Variants in ELP1 observed in about 807,000 individuals in gnomAD.
ELP1 encodes elongator complex protein 1.
ELP1 carries 131 observed loss-of-function variants against 183.2 expected under a neutral mutation model. That is an observed-to-expected ratio of 0.72 (90% CI 0.62 to 0.83). The LOEUF (loss-of-function observed/expected upper bound fraction) is 0.83, where lower values mean the gene tolerates loss of function less well. ELP1 is among the 40% of genes least tolerant of loss of function. The pLI is 0.00. For missense variants in ELP1, 1,550 were observed against 1,594.9 expected (o/e 0.97, Z 0.48); for synonymous variants, 555 against 569.0 (o/e 0.98, Z 0.35).
chr9:108,929,717 A>C, intron 3 of ELP1, 52 bp downstream of exon 3: 1 of 1,572,478 alleles, frequency 6.4e-7, no homozygotes, highest in Admixed American at 1.7e-5. Flanking sequence ...AATAGCAAGT[A>C]ACCTATTTGA....
intron 13 of ELP1, among the ~76,000 whole-genome samples, 157 bp downstream of exon 13, chr9:108,908,148 T>C (rs1325587816): frequency 6.6e-6 from 1 of 152,214 alleles, no homozygotes; most frequent in Non-Finnish European, 1.5e-5. Flanking sequence ...ACTACATGAC[T>C]GGCTTCTCCA....
intron 31 of ELP1, 49 bp from the exon 32 acceptor site, chr9:108,880,214 A>AG (rs1350816067): frequency 8.0e-7 from 1 of 1,252,922 alleles, no homozygotes; most frequent in African/African-American, 1.5e-5. Flanking sequence ...TTAAGCAAAG[A>AG]GAAAAAACTA....
At chr9:108,871,470 G>T (rs1315388602) in intron 36 of ELP1, among the ~76,000 whole-genome samples, 7 of 152,144 alleles carry the variant, frequency 4.6e-5, no homozygotes, top group Non-Finnish European at 1.0e-4. Flanking sequence ...TGTTCTCCTT[G>T]TCCAAGCCTT....
At chr9:108,906,646 T>C (rs1478980543) in intron 13 of ELP1, among the ~76,000 whole-genome samples, 161 bp from the exon 14 acceptor site, 1 of 152,200 alleles carries the variant, frequency 6.6e-6, no homozygotes, top group Non-Finnish European at 1.5e-5. Flanking sequence ...AAATCTAAAA[T>C]TAATCTTTGT....
chr9:108,933,536 C>T (rs1830069767), intron 1 of ELP1, among the ~76,000 whole-genome samples: 3 of 152,234 alleles, frequency 2.0e-5, no homozygotes, highest in South Asian at 2.1e-4. Flanking sequence ...CACCACAGCA[C>T]CCGAGCCTCT....
rs1376166738 is a variant in ELP1, at chr9:108,891,359, ACATGTGCTCCTG to A, written c.2992_3003del (p.Gln998_Met1001del). 2 of 1,614,078 alleles carry A rather than the reference ACATGTGCTCCTG, an allele frequency of 1.2e-6. No homozygotes were observed. Among genetic ancestry groups the A allele is most frequent in the Admixed American group, 3.3e-5 (2 of 60,034 alleles). On this transcript the variant is annotated inframe_deletion, in exon 28 of 37. Coordinates refer to ENST00000374647, the MANE Select transcript of ELP1 (RefSeq NM_003640.5). ...GCAAACATGAGCCCCGCTGGCTCAT[ACATGTGCTCCTG>A]CATCAGGTGCTCCCCATAAGCAATG...
intron 10 of ELP1, among the ~76,000 whole-genome samples, chr9:108,912,807 T>C (rs1022039669): frequency 6.7e-6 from 1 of 149,942 alleles, no homozygotes; most frequent in African/African-American, 2.5e-5. Context: ...CAGGCTGGAG[T>C]GCAGTGGCGC....
rs755681735 is a variant in ELP1, at chr9:108,917,666, A to G, written c.745T>C (p.Ser249Pro). ...GLGPALAWKP[S>P]GSLIASTQDK... Reference sequence around the variant, plus strand: ...TGTGTAGATGCAATCAAACTGCCTGAGGGTCTTAAAGCAAACTCAGAGTGT... The same window carrying G: ...TGTGTAGATGCAATCAAACTGCCTGGGGGTCTTAAAGCAAACTCAGAGTGT... Residue 249 changes from serine to proline, a missense_variant, in exon 9 of 37, where the codon TCA becomes CCA. Ser to Pro is a moderately conservative substitution (Grantham distance 74, BLOSUM62 -1). Transcript: ENST00000374647. 2.0e-5 allele frequency: 33 copies of G among 1,611,056 alleles called. No individual in the cohort carries two copies. The East Asian group carries it at 7.4e-4, about 36-fold the overall frequency.
chr9:108,881,867 A>T, intron 30 of ELP1, 102 bp from the exon 31 acceptor site: 1 of 807,524 alleles, frequency 1.2e-6, no homozygotes, highest in Admixed American at 2.1e-5. Flanking sequence ...TAATCAGAAT[A>T]TTTTCCTGAA....
In ELP1 at chr9:108,919,025, A is replaced by T. The variant is rs980594593; in HGVS notation, c.650-124T>A. 1.3e-5 allele frequency: 11 copies of T among 829,834 alleles called. 2 individuals carry two copies. In the Admixed American group the frequency reaches 1.4e-4, roughly 11 times the overall value. 51.4% of individuals were successfully genotyped at this position (829,834 alleles called of 1,614,324 possible). A position where few individuals can be genotyped will look rare whatever the true frequency, so the allele number is the denominator to read the frequency against. Reference sequence around the variant, plus strand: ...CTGCCATGGTTTTACATAGCCAATTAGATTAATTTTGTTACAAATTTGTGT... The same window carrying T: ...CTGCCATGGTTTTACATAGCCAATTTGATTAATTTTGTTACAAATTTGTGT... On this transcript the variant is annotated intron_variant, in intron 7 of 36. Transcript: ENST00000374647.
At chr9:108,870,969 A>AC (rs1827429448) in intron 36 of ELP1, among the ~76,000 whole-genome samples, 1 of 83,566 alleles carries the variant, frequency 1.2e-5, no homozygotes, top group Non-Finnish European at 2.2e-5. Flanking sequence ...TTCATGCACC[A>AC]TTTTTTTTTT....
At chr9:108,923,312 C>T (rs1468403169) in intron 5 of ELP1, among the ~76,000 whole-genome samples, 1 of 152,192 alleles carries the variant, frequency 6.6e-6, no homozygotes, top group African/African-American at 2.4e-5. Context: ...TTCAAGGCTG[C>T]AGTGAGCCCT....
intron 5 of ELP1, among the ~76,000 whole-genome samples, chr9:108,923,364 AC>A (rs142713178): frequency 0.028 from 4,226 of 152,126 alleles, 187 homozygotes; most frequent in African/African-American, 0.098. Context: ...ACACAGCGAG[AC>A]CCCCATCTCA....
At chr9:108,885,110 A>G (rs1828075762) in intron 29 of ELP1, among the ~76,000 whole-genome samples, 1 of 152,060 alleles carries the variant, frequency 6.6e-6, no homozygotes, top group Admixed American at 6.6e-5. Flanking sequence ...AAAGAAAAAA[A>G]TAAGAAAAAA....
rs2131980240 is a variant in ELP1 at position 108,896,600 on chromosome 9, A to G, written c.2632T>C (p.Leu878=). 6.2e-7 allele frequency: 1 copy of G among 1,613,878 alleles called. No individual in the cohort carries two copies. Among genetic ancestry groups the G allele is most frequent in the Non-Finnish European group, 8.5e-7 (1 of 1,179,750 alleles). ...DPDAVSAEEA[L]KYLLHLVDVN... The stretch of plus-strand genomic sequence containing the variant: ...TCTACCAGATGCAGCAAATATTTCA[A>G]GGCCTCTTCAGCACTCACAGCATCA... The change falls in exon 25 of 37, where the codon TTG becomes CTG. Residue 878 remains leucine (L), a synonymous_variant. Transcript: ENST00000374647.
intron 31 of ELP1, among the ~76,000 whole-genome samples, chr9:108,880,423 A>G (rs1827881970): frequency 6.6e-6 from 1 of 152,056 alleles, no homozygotes; most frequent in South Asian, 2.1e-4. Context: ...CTTGATACCT[A>G]AAGCAAGGGA....
rs1330283788 is a variant in ELP1, at chr9:108,894,035, G to A, written c.2768C>T (p.Thr923Ile). ...DPKEYLPFLNTLKKMETNYQR... is the reference protein window; with the variant it reads ...DPKEYLPFLNILKKMETNYQR... The stretch of plus-strand genomic sequence containing the variant: ...ATAATTAGTTTCCATTTTCTTAAGT[G>A]TATTAAGAAATGGAAGATATTCTTT... The change falls in exon 26 of 37, where the codon ACA (threonine) becomes ATA (isoleucine). Residue 923 changes from threonine (T) to isoleucine (I), a missense_variant. By Grantham distance (89) the Thr-to-Ile change is moderately conservative (BLOSUM62 -1). Transcript: ENST00000374647. The A allele has an allele frequency of 2.6e-6, 4 of 1,541,402 alleles. No homozygotes were observed. Among genetic ancestry groups the A allele is most frequent in the African/African-American group, 1.4e-5 (1 of 73,432 alleles).
intron 29 of ELP1, among the ~76,000 whole-genome samples, chr9:108,884,142 T>C (rs1043151577): frequency 6.6e-6 from 1 of 152,186 alleles, no homozygotes; most frequent in African/African-American, 2.4e-5. Flanking sequence ...AAGAATTATA[T>C]TAATAACATT....
At chr9:108,914,419 G>T (rs1193698938) in intron 10 of ELP1, among the ~76,000 whole-genome samples, 1 of 140,310 alleles carries the variant, frequency 7.1e-6, no homozygotes, top group East Asian at 2.3e-4. Flanking sequence ...AAAAAGGGGG[G>T]GGGGGTTCTA....
Sources: allele counts gnomAD v4.1 joint callset (sites outside exome capture counted in the v4.1 genomes callset), GRCh38; gene constraint gnomAD v4.1.1; transcripts MANE v1.5; gene names NCBI Gene and HGNC (gene_info 2026-07-23, HGNC 2026-07-21).